Variants in PTPN3 observed in about 807,000 individuals in gnomAD.
PTPN3 encodes the protein protein tyrosine phosphatase non-receptor type 3, also known as tyrosine-protein phosphatase non-receptor type 3.
A neutral mutation model predicts 132.7 loss-of-function variants in PTPN3; 96 were observed. The ratio of observed to expected loss-of-function variants is 0.72; its 90% CI spans 0.61 to 0.86. The LOEUF (loss-of-function observed/expected upper bound fraction) is 0.86, where lower values mean the gene tolerates loss of function less well. Among genes scored for constraint, PTPN3 ranks in the 40% least tolerant of loss-of-function variants. The pLI is 0.00. For synonymous variants in PTPN3, 398 were observed against 429.0 expected, an observed-to-expected ratio of 0.93 and a Z score of 0.89; for missense variants, 1,125 against 1,159.6, an observed-to-expected ratio of 0.97 and a Z score of 0.43.
intron 9 of PTPN3, among the ~76,000 whole-genome samples, 192 bp from the exon 10 acceptor site, chr9:109,433,353 A>G (rs1313431112): frequency 6.6e-6 from 1 of 152,216 alleles, no homozygotes; most frequent in African/African-American, 2.4e-5. Context: ...AAATTCTTCT[A>G]AAGTGAACAC....
rs1476314623 is a variant in PTPN3, at chr9:109,379,496, G to A, written c.*60C>T. ...CCTCTTGCTGCTTCCAGAGAGGTCT[G>A]TCCTCCTCTTTCAAGGAGGATGCCC... On this transcript the variant is annotated 3_prime_UTR_variant, in exon 26 of 26. Coordinates refer to ENST00000374541, the MANE Select transcript of PTPN3 (RefSeq NM_002829.4). 1.4e-5 allele frequency: 20 copies of A among 1,467,282 alleles called. No homozygotes were observed. The East Asian group carries it at 4.5e-4, about 33-fold the overall frequency. 90.9% of individuals were successfully genotyped at this position (1,467,282 alleles called of 1,614,324 possible).
At position 109,427,110 on chromosome 9, in the gene PTPN3, C is replaced by T; in HGVS notation, c.841G>A (p.Glu281Lys). ...AGCATGTTGAAGGCCACAATATGTT[C>T]CCTGGATTCAGCCTGGGAGGAAAAA... is the stretch of plus-strand genomic sequence containing the variant. ...HQRQKQAESR[E>K]HIVAFNMLNY... is the part of the protein sequence containing the mutation. The change falls in exon 12 of 26, where the codon GAA becomes AAA. Residue 281 changes from glutamate (E) to lysine (K), a missense_variant. Physicochemically the swap from Glu to Lys is moderately conservative, Grantham distance 56. Transcript: ENST00000374541. The T allele has an allele frequency of 6.2e-7, 1 of 1,614,042 alleles. No individual in the cohort carries two copies. Among genetic ancestry groups the T allele is most frequent in the South Asian group, 1.1e-5 (1 of 91,058 alleles).
At position 109,381,687 on chromosome 9, in the gene PTPN3, T is replaced by A; in HGVS notation, c.2629A>T (p.Met877Leu). Residue 877 changes from methionine (M) to leucine (L), a missense_variant, in exon 25 of 26, where the codon ATG becomes TTG. Physicochemically the swap from Met to Leu is conservative, Grantham distance 15. Coordinates refer to ENST00000374541, the MANE Select transcript of PTPN3 (RefSeq NM_002829.4). ...ACCATCATGGCGCGCTGGTCTCGCA[T>A]TTTTCGGACAATATCCAGTGGGTAA... ...PIYPLDIVRK[M>L]RDQRAMMVQT... 1 of 1,614,180 alleles carries A rather than the reference T, an allele frequency of 6.2e-7. No individual in the cohort carries two copies.
At chr9:109,423,932 G>A (rs1407267465) in intron 12 of PTPN3, among the ~76,000 whole-genome samples, 2 of 152,032 alleles carry the variant, frequency 1.3e-5, no homozygotes, top group African/African-American at 2.4e-5. Flanking sequence ...AATATGAATC[G>A]CCCTGTAGCA....
chr9:109,495,974 T>C (rs779621995), intron 1 of PTPN3, among the ~76,000 whole-genome samples: 2 of 152,190 alleles, frequency 1.3e-5, no homozygotes, highest in Non-Finnish European at 2.9e-5. Flanking sequence ...TTCTCTGGGG[T>C]GCACCCCACA....
At chr9:109,502,616 T>C (rs1160674586), upstream of PTPN3, among the ~76,000 whole-genome samples, 1 of 152,112 alleles carries the variant, frequency 6.6e-6, no homozygotes, top group Non-Finnish European at 1.5e-5. Flanking sequence ...GGCAATGTAG[T>C]GAGACCCTGT....
the PTPN3 span, among the ~76,000 whole-genome samples, chr9:109,513,372 G>A: frequency 6.6e-6 from 1 of 152,120 alleles, no homozygotes; most frequent in South Asian, 2.1e-4. Context: ...CAGAGTCTTT[G>A]ATGTCTGTTG....
the PTPN3 span, among the ~76,000 whole-genome samples, chr9:109,516,923 G>A: frequency 2.6e-5 from 4 of 152,194 alleles, no homozygotes; most frequent in East Asian, 1.9e-4. Flanking sequence ...GGGGACTTGC[G>A]AGGTGAGCAG....
At chr9:109,469,721 A>G (rs1846277621) in intron 1 of PTPN3, among the ~76,000 whole-genome samples, 1 of 152,212 alleles carries the variant, frequency 6.6e-6, no homozygotes, top group African/African-American at 2.4e-5. Context: ...AAGGAGGAGA[A>G]TAAGAAAACA....
intron 17 of PTPN3, among the ~76,000 whole-genome samples, 162 bp from the exon 18 acceptor site, chr9:109,406,780 G>A (rs1019886246): frequency 6.6e-6 from 1 of 152,242 alleles, no homozygotes; most frequent in Non-Finnish European, 1.5e-5. Context: ...CCACTGCTAT[G>A]TGGACATGGT....
chr9:109,432,212 T>C (rs1316694845), intron 10 of PTPN3, among the ~76,000 whole-genome samples: 1 of 151,954 alleles, frequency 6.6e-6, no homozygotes, highest in Non-Finnish European at 1.5e-5. Flanking sequence ...TTTCAGGTAA[T>C]GAAATTCTAT....
intron 1 of PTPN3, among the ~76,000 whole-genome samples, chr9:109,464,109 C>T (rs1381237788): frequency 3.3e-5 from 5 of 152,176 alleles, no homozygotes; most frequent in African/African-American, 1.2e-4. Flanking sequence ...CAGAGAACCC[C>T]TATGATTCAA....
intron 8 of PTPN3, among the ~76,000 whole-genome samples, chr9:109,437,777 T>C (rs1844165446): frequency 2.0e-5 from 3 of 152,190 alleles, no homozygotes. Context: ...TTATTAAATG[T>C]GGTAAACTGC....
intron 21 of PTPN3, 122 bp downstream of exon 21, chr9:109,391,016 G>T: frequency 1.2e-6 from 1 of 830,296 alleles, no homozygotes; most frequent in Non-Finnish European, 1.9e-6. Context: ...GGCTGTTGTG[G>T]TGCTGAAATG....
intron 21 of PTPN3, 108 bp downstream of exon 21, chr9:109,391,030 T>C (rs1473237589): frequency 1.0e-6 from 1 of 965,154 alleles, no homozygotes; most frequent in Non-Finnish European, 1.6e-6. Context: ...TGAAATGCGG[T>C]GGTGAACGGG....
chr9:109,497,760 G>A (rs1254423998), intron 1 of PTPN3, among the ~76,000 whole-genome samples: 1 of 152,078 alleles, frequency 6.6e-6, no homozygotes, highest in Admixed American at 6.5e-5. Flanking sequence ...AAAGCCGAGA[G>A]GCGGATTCGC....
chr9:109,398,348 CTTATAAA>C (rs1840767473), intron 19 of PTPN3, among the ~76,000 whole-genome samples: 1 of 152,204 alleles, frequency 6.6e-6, no homozygotes, highest in Non-Finnish European at 1.5e-5. Flanking sequence ...ATTTAAACCT[CTTATAAA>C]GTTTTCAGCT....
At chr9:109,418,803 T>C (rs1347255163) in intron 14 of PTPN3, among the ~76,000 whole-genome samples, 3 of 152,222 alleles carry the variant, frequency 2.0e-5, no homozygotes, top group Non-Finnish European at 4.4e-5. Flanking sequence ...TGGTGGCTGC[T>C]GTACTGGACA....
chr9:109,382,269 A>G (rs1399877692), intron 24 of PTPN3, 33 bp downstream of exon 24: 4 of 1,608,648 alleles, frequency 2.5e-6, no homozygotes, highest in Non-Finnish European at 2.6e-6. Context: ...CAGGGAAAGG[A>G]TTCCAAACCT....
Sources: allele counts gnomAD v4.1 joint callset (sites outside exome capture counted in the v4.1 genomes callset), GRCh38; gene constraint gnomAD v4.1.1; transcripts MANE v1.5; gene names NCBI Gene and HGNC (gene_info 2026-07-23, HGNC 2026-07-21).